PRKN: variants seen among roughly 807,000 people sequenced by gnomAD.
PRKN encodes parkin RBR E3 ubiquitin protein ligase, also known as E3 ubiquitin-protein ligase parkin.
In PRKN, 56 loss-of-function variants were observed where a neutral mutation model predicts 59.5. The observed-to-expected ratio is 0.94, with a 90% CI of 0.76 to 1.18. The LOEUF (loss-of-function observed/expected upper bound fraction) is 1.18, where lower values mean the gene tolerates loss of function less well. Ranked by LOEUF, PRKN falls within the 50% of genes most tolerant of loss-of-function variation. The pLI is 0.00. For synonymous variants in PRKN, 250 were observed against 222.1 expected (o/e 1.13, Z -1.12); for missense variants, 657 against 596.4 (o/e 1.10, Z -1.06).
intron 9 of PRKN, among the ~76,000 whole-genome samples, chr6:161,491,223 G>T (rs971295259): frequency 6.6e-6 from 1 of 152,138 alleles, no homozygotes; most frequent in Non-Finnish European, 1.5e-5. Flanking sequence ...AGAAAACTTC[G>T]TATGGACAGT....
At chr6:161,949,671 C>T (rs190003481) in intron 6 of PRKN, among the ~76,000 whole-genome samples, 2 of 152,326 alleles carry the variant, frequency 1.3e-5, no homozygotes, top group Admixed American at 1.3e-4. Context: ...CTTCCTACCC[C>T]ATATGGGCCA....
At chr6:161,358,934 A>C (rs1396207187) in intron 11 of PRKN, among the ~76,000 whole-genome samples, 1 of 151,408 alleles carries the variant, frequency 6.6e-6, no homozygotes, top group African/African-American at 2.4e-5. Context: ...AGCTGGGACT[A>C]CAGGCGCCCG....
At chr6:161,923,958 A>T (rs768328234) in intron 6 of PRKN, among the ~76,000 whole-genome samples, 2 of 152,102 alleles carry the variant, frequency 1.3e-5, no homozygotes, top group African/African-American at 2.4e-5. Flanking sequence ...CTGCCTTTCA[A>T]GCATTTTTCC....
At chr6:162,429,064 T>G (rs1271355836) in intron 2 of PRKN, among the ~76,000 whole-genome samples, 1 of 152,342 alleles carries the variant, frequency 6.6e-6, no homozygotes, top group Admixed American at 6.5e-5. Context: ...CCATTTTTAT[T>G]GCTTTACTTG....
intron 6 of PRKN, among the ~76,000 whole-genome samples, chr6:161,836,625 G>A (rs1324296974): frequency 6.6e-6 from 1 of 152,156 alleles, no homozygotes; most frequent in Non-Finnish European, 1.5e-5. Flanking sequence ...ATTATCATAT[G>A]CCTCTCCAGG....
At chr6:161,664,877 C>A (rs1008748714) in intron 7 of PRKN, among the ~76,000 whole-genome samples, 3 of 151,434 alleles carry the variant, frequency 2.0e-5, no homozygotes, top group South Asian at 2.1e-4. Context: ...CAAACTCCAG[C>A]TCCCAGGTTC....
chr6:161,533,009 A>T lies in PRKN; in HGVS notation c.1083+15845T>A, dbSNP rs1042347679. Among the ~76,000 whole-genome samples the T allele has an allele frequency of 2.6e-5, 4 of 152,194 alleles. No individual in the cohort carries two copies. The highest frequency in any genetic ancestry group is 5.9e-5 in the Non-Finnish European group (4 of 68,024). On this transcript the variant is annotated intron_variant, in intron 9 of 11. Coordinates refer to ENST00000366898, the MANE Select transcript of PRKN (RefSeq NM_004562.3). The surrounding 1 kb of genome is among the most constrained non-coding windows in gnomAD (Gnocchi z 4.1). ...TCAGACTTGTAAATATTAAACTCAT[A>T]TTTTTAGATTTAAAAAAGGCAGCAA...
At chr6:161,975,024 T>C (rs1780970076) in intron 5 of PRKN, among the ~76,000 whole-genome samples, 1 of 152,070 alleles carries the variant, frequency 6.6e-6, no homozygotes, top group Non-Finnish European at 1.5e-5. Flanking sequence ...ATTTGTAGAA[T>C]GCTTTATTCA....
intron 6 of PRKN, among the ~76,000 whole-genome samples, chr6:161,897,966 CAAAAAA>C: frequency 2.6e-5 from 1 of 38,298 alleles, no homozygotes; most frequent in Middle Eastern, 0.011. Context: ...GACTCCGTCT[CAAAAAA>C]AAAAAAAAAA....
chr6:161,854,746 C>G (rs1432249691), intron 6 of PRKN, among the ~76,000 whole-genome samples: 1 of 152,062 alleles, frequency 6.6e-6, no homozygotes, highest in Non-Finnish European at 1.5e-5. Context: ...ACTTGATTCT[C>G]TTGAAACCAG....
intron 5 of PRKN, among the ~76,000 whole-genome samples, chr6:161,990,041 A>G (rs1328465086): frequency 1.3e-5 from 2 of 152,106 alleles, no homozygotes; most frequent in Non-Finnish European, 2.9e-5. Flanking sequence ...ATTGCCATGA[A>G]TGATGCCACA....
intron 8 of PRKN, among the ~76,000 whole-genome samples, chr6:161,567,462 T>G (rs1780699119): frequency 6.6e-6 from 1 of 152,050 alleles, no homozygotes; most frequent in South Asian, 2.1e-4. Context: ...ATATGGAGAT[T>G]TTTCACTCCT....
chr6:161,894,356 A>G (rs1777529943), intron 6 of PRKN, among the ~76,000 whole-genome samples: 1 of 152,230 alleles, frequency 6.6e-6, no homozygotes, highest in Non-Finnish European at 1.5e-5. Flanking sequence ...AGTTCAGACT[A>G]TAAATGACTG....
chr6:161,760,072 C>T (rs1224494170), intron 7 of PRKN, among the ~76,000 whole-genome samples: 1 of 40,650 alleles, frequency 2.5e-5, no homozygotes, highest in African/African-American at 6.5e-5. Context: ...ACAGCTCGTT[C>T]TTAAAAAAAA....
intron 2 of PRKN, among the ~76,000 whole-genome samples, chr6:162,280,260 GAAC>G (rs1300718252): frequency 8.5e-5 from 13 of 152,084 alleles, no homozygotes; most frequent in Admixed American, 8.5e-4. Flanking sequence ...TCTGGAAACT[GAAC>G]AACCTGCTCC....
At chr6:161,619,086 G>T (rs141134672) in intron 7 of PRKN, among the ~76,000 whole-genome samples, 58 of 152,144 alleles carry the variant, frequency 3.8e-4, no homozygotes, top group Non-Finnish European at 6.3e-4. Context: ...TTCTGAATCC[G>T]CCGGGTCTGA....
chr6:162,622,301 T>G lies in PRKN; in HGVS notation c.7+105361A>C, dbSNP rs1394728410. On this transcript the variant is annotated intron_variant, in intron 1 of 11. Transcript: ENST00000366898. ...TTCCTTTCAAATTCTGTTTTTTTTT[T>G]TGTTTTGTTTTTTTTTGGTAGCAGA... Among the ~76,000 whole-genome samples the G allele has an allele frequency of 4.3e-5, 6 of 139,876 alleles. 1 individual carries two copies. Among genetic ancestry groups the G allele is most frequent in the Non-Finnish European group, 4.5e-5 (3 of 66,228 alleles). 91.8% of individuals were successfully genotyped at this position (139,876 alleles called of 152,430 possible).
chr6:162,575,343 G>A (rs1780515622), intron 1 of PRKN, among the ~76,000 whole-genome samples: 1 of 152,024 alleles, frequency 6.6e-6, no homozygotes, highest in Admixed American at 6.6e-5. Flanking sequence ...TTTTAACCCT[G>A]ACCTTTATTG....
chr6:161,938,185 A>G (rs1025542194), intron 6 of PRKN, among the ~76,000 whole-genome samples: 1 of 152,204 alleles, frequency 6.6e-6, no homozygotes, highest in Non-Finnish European at 1.5e-5. Flanking sequence ...TTGATTTTGC[A>G]TGGGTCCACA....
Sources: allele counts gnomAD v4.1 joint callset (sites outside exome capture counted in the v4.1 genomes callset), GRCh38; gene constraint gnomAD v4.1.1; non-coding constraint Gnocchi (gnomAD v3.1); transcripts MANE v1.5; gene names NCBI Gene and HGNC (gene_info 2026-07-23, HGNC 2026-07-21).